The following ARHGAP10 variants were observed in gnomAD, a reference collection of about 807,000 sequenced individuals.
The protein encoded by ARHGAP10 is Rho GTPase activating protein 10.
A neutral mutation model predicts 108.6 loss-of-function variants in ARHGAP10; 87 were observed. The observed-to-expected ratio is 0.80, with a 90% confidence interval of 0.67 to 0.96. The LOEUF (loss-of-function observed/expected upper bound fraction) is 0.96. ARHGAP10 is among the 40% of genes least tolerant of loss of function. The pLI is 0.00. For missense variants in ARHGAP10, 939 were observed against 954.5 expected, an observed-to-expected ratio of 0.98 and a Z score of 0.21; for synonymous variants, 347 against 341.1, an observed-to-expected ratio of 1.02 and a Z score of -0.19.
chr4:147,776,428 C>T (rs1730293121), intron 1 of ARHGAP10, among the ~76,000 whole-genome samples: 1 of 152,074 alleles, frequency 6.6e-6, no homozygotes. Flanking sequence ...CCATGTTGGC[C>T]AGGCTGGTCT....
chr4:147,838,307 A>C (rs17023959), intron 3 of ARHGAP10, among the ~76,000 whole-genome samples: 4,550 of 152,190 alleles, frequency 0.03, 220 homozygotes, highest in African/African-American at 0.1. Flanking sequence ...CAGTCTCTTT[A>C]AAAAACTTAT....
chr4:147,798,103 T>C (rs993714706), intron 1 of ARHGAP10, among the ~76,000 whole-genome samples: 1 of 152,194 alleles, frequency 6.6e-6, no homozygotes, highest in African/African-American at 2.4e-5. Context: ...GTAAACATAC[T>C]TTTTGCTTTT....
intron 18 of ARHGAP10, among the ~76,000 whole-genome samples, chr4:148,007,962 A>G (rs1415037618): frequency 6.6e-6 from 1 of 152,156 alleles, no homozygotes; most frequent in Admixed American, 6.6e-5. Context: ...ATGCCCTAGC[A>G]TGTCCCAGTC....
Position 148,023,402 on chromosome 4 carries a change from A to G in ARHGAP10, c.1856A>G (p.Glu619Gly). The change falls in exon 19 of 23, where the codon GAG becomes GGG. Residue 619 changes from glutamate (E) to glycine (G), a missense_variant. By Grantham distance (98) the Glu-to-Gly change is moderately conservative. Coordinates refer to ENST00000336498, the MANE Select transcript of ARHGAP10 (RefSeq NM_024605.4). Reference protein sequence around the residue: ...RPVAVYNLCLELEDGDNPYPS... With the variant: ...RPVAVYNLCLGLEDGDNPYPS... Reference sequence around the variant, plus strand: ...GTGGCCGTCTACAATCTTTGTCTGGAGCTGGAAGATGGTAAGATGTTAATG... The same window carrying G: ...GTGGCCGTCTACAATCTTTGTCTGGGGCTGGAAGATGGTAAGATGTTAATG... The G allele has an allele frequency of 3.7e-6, 6 of 1,613,500 alleles. No homozygotes were observed. Among genetic ancestry groups the G allele is most frequent in the Non-Finnish European group, 5.1e-6 (6 of 1,179,550 alleles).
At chr4:147,989,266 A>T (rs1218078423) in intron 18 of ARHGAP10, among the ~76,000 whole-genome samples, 3 of 152,226 alleles carry the variant, frequency 2.0e-5, no homozygotes, top group African/African-American at 4.8e-5. Context: ...AGGCAAGTGG[A>T]GGCAGGGCGA....
rs189746634 is a variant in ARHGAP10 at position 147,762,731 on chromosome 4, C to T, written c.154+30276C>T. 3.8e-3 allele frequency among the ~76,000 whole-genome samples: 578 copies of T among 151,748 alleles called. 5 individuals are homozygous for T. Among genetic ancestry groups the T allele is most frequent in the African/African-American group, 0.013 (528 of 41,394 alleles). Reference sequence around the variant, plus strand: ...TATTTTTAGTAGAGATGGGTTTCACCGTGCTAGCCAGGCTGGTCTCGATCT... The same window carrying T: ...TATTTTTAGTAGAGATGGGTTTCACTGTGCTAGCCAGGCTGGTCTCGATCT... On this transcript the variant is annotated intron_variant, in intron 1 of 22. Coordinates refer to ENST00000336498, the MANE Select transcript of ARHGAP10 (RefSeq NM_024605.4).
intron 1 of ARHGAP10, among the ~76,000 whole-genome samples, chr4:147,765,663 G>C (rs1365431065): frequency 6.6e-6 from 1 of 152,144 alleles, no homozygotes; most frequent in African/African-American, 2.4e-5. Flanking sequence ...AGCTGGGTGT[G>C]GTGGCACATG....
chr4:147,816,005 G>A (rs1376472269), intron 1 of ARHGAP10, among the ~76,000 whole-genome samples: 2 of 151,318 alleles, frequency 1.3e-5, no homozygotes, highest in East Asian at 1.9e-4. Flanking sequence ...AAATGAATAC[G>A]TAAGTGTCAG....
intron 22 of ARHGAP10, among the ~76,000 whole-genome samples, chr4:148,064,911 C>G (rs1389861907): frequency 2.0e-5 from 3 of 152,214 alleles, no homozygotes; most frequent in Non-Finnish European, 4.4e-5. Context: ...ACAGAGGATA[C>G]TACTGTCCTT....
intron 1 of ARHGAP10, among the ~76,000 whole-genome samples, chr4:147,769,529 T>C (rs1037544081): frequency 6.6e-6 from 1 of 152,200 alleles, no homozygotes; most frequent in African/African-American, 2.4e-5. Flanking sequence ...TTAACTGACA[T>C]TGTTTCCCGG....
At chr4:147,865,634 T>C (rs1202787871) in intron 6 of ARHGAP10, 2 of 152,228 alleles carry the variant, frequency 1.3e-5, no homozygotes, top group East Asian at 1.9e-4. Context: ...TATCGACTTA[T>C]TGAATGGTTT....
At chr4:147,767,008 C>A (rs1378628877) in intron 1 of ARHGAP10, among the ~76,000 whole-genome samples, 1 of 151,492 alleles carries the variant, frequency 6.6e-6, no homozygotes, top group Middle Eastern at 3.2e-3. Context: ...GCCACCACGC[C>A]CAGATAAGTT....
rs1028214830 is a variant in ARHGAP10 at position 147,875,262 on chromosome 4, C to T, written c.832+112C>T. 1.9e-5 allele frequency: 22 copies of T among 1,188,768 alleles called. No individual in the cohort carries two copies. In the African/African-American group the frequency reaches 3.0e-4, roughly 16 times the overall value. 73.6% of individuals were successfully genotyped at this position (1,188,768 alleles called of 1,614,324 possible). On this transcript the variant is annotated intron_variant, in intron 8 of 22. Transcript: ENST00000336498. ...TTTGGGCAATTATTCCTACCTCTTT[C>T]TCTCCCTGCTCCTATCACCTAATGG...
intron 3 of ARHGAP10, among the ~76,000 whole-genome samples, chr4:147,833,398 C>T (rs1733032784): frequency 6.6e-6 from 1 of 152,180 alleles, no homozygotes; most frequent in Non-Finnish European, 1.5e-5. Flanking sequence ...TTTCCCTTCC[C>T]TTGTGCCAAG....
chr4:147,829,696 T>C (rs1356747507), intron 3 of ARHGAP10, among the ~76,000 whole-genome samples: 1 of 152,156 alleles, frequency 6.6e-6, no homozygotes, highest in Non-Finnish European at 1.5e-5. Flanking sequence ...TGGCAGGACA[T>C]GTTGTACTTA....
rs1484428595 is a variant in ARHGAP10 at position 147,875,284 on chromosome 4, A to T, written c.832+134A>T. The stretch of plus-strand genomic sequence containing the variant: ...TTTCTCTCCCTGCTCCTATCACCTA[A>T]TGGGTGTATATTTCATGTTTAGGAG... On this transcript the variant is annotated intron_variant, in intron 8 of 22. Coordinates refer to ENST00000336498, the MANE Select transcript of ARHGAP10 (RefSeq NM_024605.4). 3 of 957,144 alleles carry T rather than the reference A, an allele frequency of 3.1e-6. No individual in the cohort carries two copies. In the African/African-American group the frequency reaches 5.1e-5, roughly 16 times the overall value. The allele number at this position is 957,144 out of a possible 1,614,324, so 59.3% of individuals were successfully genotyped here.
chr4:147,817,169 G>C (rs1732284183), intron 1 of ARHGAP10, among the ~76,000 whole-genome samples: 1 of 152,142 alleles, frequency 6.6e-6, no homozygotes, highest in Non-Finnish European at 1.5e-5. Flanking sequence ...TCAAGCCCAG[G>C]ATTATAGAAC....
chr4:148,044,570 T>C (rs1728792731), intron 19 of ARHGAP10, among the ~76,000 whole-genome samples: 1 of 152,216 alleles, frequency 6.6e-6, no homozygotes, highest in Non-Finnish European at 1.5e-5. Flanking sequence ...GCAGCCGTCA[T>C]GCCAGGTCAA....
intron 10 of ARHGAP10, among the ~76,000 whole-genome samples, chr4:147,904,955 A>T (rs1203112065): frequency 3.3e-5 from 5 of 151,916 alleles, no homozygotes; most frequent in African/African-American, 9.7e-5. Context: ...CTCATTGTGG[A>T]TTTGATTTGC....
Sources: gnomAD v4.1 joint callset for allele counts (sites outside exome capture counted in the v4.1 genomes callset) on GRCh38, gnomAD v4.1.1 for gene constraint, MANE v1.5 for transcripts, NCBI Gene and HGNC (gene_info 2026-07-23, HGNC 2026-07-21) for gene names.